PRIM2: variants seen among roughly 807,000 people sequenced by gnomAD.
PRIM2 encodes the protein DNA primase large subunit.
PRIM2 carries 39 observed loss-of-function variants against 67.3 expected under a neutral mutation model. The observed-to-expected ratio is 0.58, with a 90% CI of 0.45 to 0.76. The LOEUF (loss-of-function observed/expected upper bound fraction) is 0.76, where lower values mean the gene tolerates loss of function less well. Among genes scored for constraint, PRIM2 ranks in the 30% least tolerant of loss-of-function variants. PRIM2 has a pLI of 0.00. For missense variants in PRIM2, 398 were observed against 598.7 expected (o/e 0.66, Z 3.50); for synonymous variants, 143 against 198.7 (o/e 0.72, Z 2.36).
Position 57,457,595 on chromosome 6 carries a change from G to A in PRIM2, c.694-49792G>A, listed in dbSNP as rs75476610. Among the ~76,000 whole-genome samples, 5 of 152,200 alleles carry A rather than the reference G, an allele frequency of 3.3e-5. 1 individual carries two copies. The East Asian group carries it at 9.6e-4, about 29-fold the overall frequency. ...TGTAGGACCCCCGAGCCAGGCGTGG[G>A]ATATAATCTCTTGGTGTGCCATTTG... On this transcript the variant is annotated intron_variant, in intron 7 of 13. Coordinates refer to ENST00000615550, the MANE Select transcript of PRIM2 (RefSeq NM_000947.5).
At chr6:57,599,623 A>G (rs1456947493) in intron 10 of PRIM2, among the ~76,000 whole-genome samples, 2 of 152,254 alleles carry the variant, frequency 1.3e-5, no homozygotes, top group East Asian at 3.9e-4. Flanking sequence ...GCATTCACAT[A>G]GGTGATTAGT....
the PRIM2 span, among the ~76,000 whole-genome samples, chr6:57,260,332 G>A: frequency 1.3e-5 from 2 of 152,148 alleles, no homozygotes; most frequent in Non-Finnish European, 2.9e-5. Flanking sequence ...CTTGGAAAAG[G>A]CATGTGGTCC....
At chr6:57,286,103 A>C in the PRIM2 span, among the ~76,000 whole-genome samples, 1 of 150,548 alleles carries the variant, frequency 6.6e-6, no homozygotes, top group East Asian at 1.9e-4. Context: ...CAAGGAAATA[A>C]GACAGGACAC....
At chr6:57,408,887 T>C (rs1185418240) in intron 7 of PRIM2, among the ~76,000 whole-genome samples, 1 of 152,130 alleles carries the variant, frequency 6.6e-6, no homozygotes, top group African/African-American at 2.4e-5. Context: ...ATTTGTAAAA[T>C]TTTTTGTAGA....
chr6:57,629,302 T>G (rs1450293377), intron 12 of PRIM2, among the ~76,000 whole-genome samples: 1 of 152,190 alleles, frequency 6.6e-6, no homozygotes, highest in Non-Finnish European at 1.5e-5. Flanking sequence ...ATACTCCTGT[T>G]TCTACACAGA....
At chr6:57,645,633 C>G (rs1777321911) in intron 13 of PRIM2, among the ~76,000 whole-genome samples, 1 of 150,840 alleles carries the variant, frequency 6.6e-6, no homozygotes, top group South Asian at 2.1e-4. Flanking sequence ...TGCCTTTGAG[C>G]CATCTTAGAT....
chr6:57,615,957 AC>A (rs1242146018), intron 12 of PRIM2, among the ~76,000 whole-genome samples: 1 of 152,164 alleles, frequency 6.6e-6, no homozygotes, highest in Non-Finnish European at 1.5e-5. Context: ...ATACTGAATC[AC>A]TTGTGGCATA....
At chr6:57,283,025 T>G in the PRIM2 span, among the ~76,000 whole-genome samples, 1 of 152,082 alleles carries the variant, frequency 6.6e-6, no homozygotes, top group African/African-American at 2.4e-5. Context: ...TTGTTTTGCT[T>G]TTTTTAAAAA....
chr6:57,621,004 C>T (rs1776842635), intron 12 of PRIM2, among the ~76,000 whole-genome samples: 1 of 152,352 alleles, frequency 6.6e-6, no homozygotes, highest in East Asian at 1.9e-4. Flanking sequence ...GCATTTTGCT[C>T]ATTGCTTTTA....
At chr6:57,306,889 A>ACAGAT in the PRIM2 span, among the ~76,000 whole-genome samples, 1 of 152,192 alleles carries the variant, frequency 6.6e-6, no homozygotes, top group Admixed American at 6.5e-5. Flanking sequence ...TCAACAAGGA[A>ACAGAT]CAGATGGCAT....
At chr6:57,518,275 A>G (rs2127463135) in intron 8 of PRIM2, among the ~76,000 whole-genome samples, 1 of 152,360 alleles carries the variant, frequency 6.6e-6, no homozygotes, top group East Asian at 1.9e-4. Flanking sequence ...AAAAATGTGT[A>G]TAGCGGTGCA....
chr6:57,485,865 T>G (rs1773741778), intron 7 of PRIM2, among the ~76,000 whole-genome samples: 1 of 152,190 alleles, frequency 6.6e-6, no homozygotes, highest in South Asian at 2.1e-4. Flanking sequence ...GGCTTCCCCC[T>G]TAAAGGAGCT....
chr6:57,600,516 C>T (rs1203910612), intron 10 of PRIM2, among the ~76,000 whole-genome samples: 2 of 151,988 alleles, frequency 1.3e-5, no homozygotes, highest in African/African-American at 4.8e-5. Context: ...TGCCACCACA[C>T]CCAGCTAATA....
At chr6:57,418,392 T>TGG (rs1771348836) in intron 7 of PRIM2, among the ~76,000 whole-genome samples, 1 of 102,598 alleles carries the variant, frequency 9.7e-6, no homozygotes, top group Non-Finnish European at 1.9e-5. Flanking sequence ...GGTTTTTTTT[T>TGG]TTTTTTTTTT....
At chr6:57,306,539 G>A in the PRIM2 span, among the ~76,000 whole-genome samples, 3 of 152,190 alleles carry the variant, frequency 2.0e-5, no homozygotes, top group African/African-American at 7.2e-5. Context: ...ATAAGGAAGA[G>A]GAACTGTATT....
chr6:57,418,777 G>T (rs1771367039), intron 7 of PRIM2, among the ~76,000 whole-genome samples: 1 of 152,090 alleles, frequency 6.6e-6, no homozygotes, highest in African/African-American at 2.4e-5. Context: ...TCTCTATAGA[G>T]GGACTTAGGA....
At chr6:57,250,903 C>A in the PRIM2 span, among the ~76,000 whole-genome samples, 2 of 152,170 alleles carry the variant, frequency 1.3e-5, no homozygotes, top group Non-Finnish European at 2.9e-5. Context: ...GAAATGCTCA[C>A]TGCAGCATGT....
the PRIM2 span, among the ~76,000 whole-genome samples, chr6:57,276,066 G>A: frequency 2.0e-5 from 3 of 152,134 alleles, no homozygotes. Context: ...AGTAGCAGTA[G>A]CATGCTAGAA....
At chr6:57,643,623 T>C (rs1479946058) in intron 13 of PRIM2, among the ~76,000 whole-genome samples, 3 of 152,228 alleles carry the variant, frequency 2.0e-5, no homozygotes, top group African/African-American at 7.2e-5. Context: ...CATTGCAAAA[T>C]GCAAAATTTA....
Sources: gnomAD v4.1 joint callset for allele counts (sites outside exome capture counted in the v4.1 genomes callset) on GRCh38, gnomAD v4.1.1 for gene constraint, MANE v1.5 for transcripts, NCBI Gene and HGNC (gene_info 2026-07-23, HGNC 2026-07-21) for gene names.